KCNQ4: variants seen among roughly 807,000 people sequenced by gnomAD.
KCNQ4 encodes the protein potassium voltage-gated channel subfamily KQT member 4.
KCNQ4 carries 31 observed loss-of-function variants against 72.6 expected under a neutral mutation model. The observed-to-expected ratio is 0.43, with a 90% confidence interval of 0.32 to 0.58. The LOEUF is 0.58. Ranked by LOEUF, KCNQ4 falls within the 20% of genes least tolerant of loss-of-function variation. The probability of loss-of-function intolerance (pLI) is 0.08; values close to 1 mark genes in which losing one functional copy is unlikely to be tolerated. For missense variants in KCNQ4, 869 were observed against 962.6 expected, an observed-to-expected ratio of 0.90 and a Z score of 1.29; for synonymous variants, 405 against 403.7, an observed-to-expected ratio of 1.00 and a Z score of -0.04.
intron 1 of KCNQ4, among the ~76,000 whole-genome samples, chr1:40,808,234 C>G (rs1390663618): frequency 6.6e-6 from 1 of 152,038 alleles, no homozygotes; most frequent in Non-Finnish European, 1.5e-5. Context: ...GGGGGCAAGG[C>G]CTGGATCTGT....
chr1:40,809,000 T>A (rs1163791480), intron 1 of KCNQ4, among the ~76,000 whole-genome samples: 2 of 146,364 alleles, frequency 1.4e-5, no homozygotes, highest in Admixed American at 6.6e-5. Flanking sequence ...CTTCCTCTCC[T>A]TCTGAGAGAA....
intron 1 of KCNQ4, among the ~76,000 whole-genome samples, chr1:40,816,771 G>A (rs1371790173): frequency 6.6e-6 from 1 of 152,142 alleles, no homozygotes; most frequent in African/African-American, 2.4e-5. Context: ...ACGAAGGCAG[G>A]GGCAGTTGTC....
At chr1:40,789,884 C>G (rs1330177798) in intron 1 of KCNQ4, among the ~76,000 whole-genome samples, 2 of 152,228 alleles carry the variant, frequency 1.3e-5, no homozygotes, top group African/African-American at 4.8e-5. Context: ...AGGCCCTGCC[C>G]ACAAAGGAGG....
At chr1:40,785,530 C>T (rs1315867667) in intron 1 of KCNQ4, among the ~76,000 whole-genome samples, 1 of 152,168 alleles carries the variant, frequency 6.6e-6, no homozygotes, top group East Asian at 1.9e-4. Flanking sequence ...GTCCCTCTGC[C>T]AGCCTGAGTT....
intron 1 of KCNQ4, among the ~76,000 whole-genome samples, chr1:40,816,591 C>T (rs1488140813): frequency 6.6e-6 from 1 of 152,148 alleles, no homozygotes; most frequent in African/African-American, 2.4e-5. Flanking sequence ...GTCTCTGGTT[C>T]TGGGCCACTC....
Position 40,822,383 on chromosome 1 carries a change from A to G in KCNQ4, c.1111A>G (p.Ser371Gly). The change falls in exon 8 of 14, where the codon AGT becomes GGT. Residue 371 changes from serine (S) to glycine (G), a missense_variant. Around this residue, in one of 5 missense-constraint regions of KCNQ4, gnomAD observed 480 missense variants for 501.9 expected, o/e 0.96. Coordinates refer to ENST00000347132, the MANE Select transcript of KCNQ4 (RefSeq NM_004700.4). ...YLTATWYYYDSILPSFRELAL... is the reference protein window; with the variant it reads ...YLTATWYYYDGILPSFRELAL... Reference sequence around the variant, plus strand: ...GACAGCCACCTGGTACTACTATGACAGTATCCTCCCATCCTTCAGGTAGGT... The same window carrying G: ...GACAGCCACCTGGTACTACTATGACGGTATCCTCCCATCCTTCAGGTAGGT... The G allele has an allele frequency of 7.8e-7, 1 of 1,277,514 alleles. No homozygotes were observed. Among genetic ancestry groups the G allele is most frequent in the Non-Finnish European group, 1.1e-6 (1 of 950,450 alleles). The allele number at this position is 1,277,514 out of a possible 1,614,324, so 79.1% of individuals were successfully genotyped here. A position where few individuals can be genotyped will look rare whatever the true frequency, so the allele number is the denominator to read the frequency against.
intron 1 of KCNQ4, among the ~76,000 whole-genome samples, chr1:40,816,823 G>A (rs577817329): frequency 6.6e-6 from 1 of 152,358 alleles, no homozygotes; most frequent in African/African-American, 2.4e-5. Flanking sequence ...ACTTTGGAGT[G>A]CATAAGAAAG....
rs1384933726 is a variant in KCNQ4 at position 40,784,468 on chromosome 1, C to G, written c.314+61C>G. 2.0e-6 allele frequency: 3 copies of G among 1,508,580 alleles called. No individual in the cohort carries two copies. The highest frequency in any genetic ancestry group is 2.7e-6 in the Non-Finnish European group (3 of 1,098,332). 93.4% of individuals were successfully genotyped at this position (1,508,580 alleles called of 1,614,324 possible). ...CGCGCAAGCCTGGCCTCCCGGGGCA[C>G]GGCCGCCCCGCCCTGGCTCCGCCTT... On this transcript the variant is annotated intron_variant, in intron 1 of 13. Coordinates refer to ENST00000347132, the MANE Select transcript of KCNQ4 (RefSeq NM_004700.4). This position sits in a 1 kb window ranked among gnomAD's most constrained non-coding sequence, Gnocchi z 4.1.
At chr1:40,793,206 G>A (rs1305350321) in intron 1 of KCNQ4, among the ~76,000 whole-genome samples, 1 of 151,276 alleles carries the variant, frequency 6.6e-6, no homozygotes, top group Admixed American at 6.6e-5. Flanking sequence ...GTCTTGCTAT[G>A]TTGTCCAGGC....
intron 1 of KCNQ4, among the ~76,000 whole-genome samples, chr1:40,800,879 C>T (rs1011280203): frequency 1.3e-5 from 2 of 152,172 alleles, no homozygotes; most frequent in African/African-American, 4.8e-5. Context: ...TATTCAAAGC[C>T]GATCATGGAT....
intron 9 of KCNQ4, among the ~76,000 whole-genome samples, chr1:40,829,179 C>T (rs577204747): frequency 3.9e-5 from 6 of 152,240 alleles, no homozygotes; most frequent in African/African-American, 1.4e-4. Flanking sequence ...GCCTTCTCCA[C>T]TCTCCTCTCT....
intron 1 of KCNQ4, among the ~76,000 whole-genome samples, chr1:40,786,484 C>G (rs567058956): frequency 2.2e-4 from 34 of 152,350 alleles, no homozygotes; most frequent in African/African-American, 7.7e-4. Context: ...CTTGTCCTGA[C>G]CACTTGTCCC....
intron 1 of KCNQ4, among the ~76,000 whole-genome samples, chr1:40,806,931 G>T (rs996999009): frequency 2.0e-5 from 3 of 152,144 alleles, no homozygotes; most frequent in Non-Finnish European, 4.4e-5. Context: ...AATCTGTGGC[G>T]GCCAGGAGAG....
intron 1 of KCNQ4, among the ~76,000 whole-genome samples, chr1:40,786,470 C>T (rs1205279661): frequency 1.3e-5 from 2 of 152,178 alleles, no homozygotes; most frequent in Admixed American, 6.5e-5. Flanking sequence ...TCGCCAGGGC[C>T]GTGCTTGTCC....
chr1:40,827,231 T>C (rs1392982056), intron 9 of KCNQ4, among the ~76,000 whole-genome samples: 1 of 152,172 alleles, frequency 6.6e-6, no homozygotes, highest in African/African-American at 2.4e-5. Context: ...AGGGACACGG[T>C]GATGAATAAA....
intron 5 of KCNQ4, 117 bp from the exon 6 acceptor site, chr1:40,819,758 C>G: frequency 1.1e-6 from 1 of 897,044 alleles, no homozygotes. Context: ...CTAACCAGCC[C>G]CCGTGGGTGA....
At chr1:40,802,495 C>A (rs1647611838) in intron 1 of KCNQ4, among the ~76,000 whole-genome samples, 1 of 152,094 alleles carries the variant, frequency 6.6e-6, no homozygotes, top group African/African-American at 2.4e-5. Flanking sequence ...CCCCGCCCCT[C>A]CCAGGGACGC....
chr1:40,837,547 C>T, intron 12 of KCNQ4, 118 bp from the exon 13 acceptor site: 1 of 1,326,688 alleles, frequency 7.5e-7, no homozygotes, highest in Non-Finnish European at 1.0e-6. Flanking sequence ...GCAATGGCCC[C>T]TTCCCTCAGA....
intron 1 of KCNQ4, among the ~76,000 whole-genome samples, chr1:40,786,689 C>G (rs889941536): frequency 6.6e-6 from 1 of 152,128 alleles, no homozygotes; most frequent in African/African-American, 2.4e-5. Context: ...AGCTTTAGGT[C>G]TGTAGGTTGT....
Sources: allele counts gnomAD v4.1 joint callset (sites outside exome capture counted in the v4.1 genomes callset), GRCh38; gene constraint gnomAD v4.1.1; regional missense constraint gnomAD v4.1.1; non-coding constraint Gnocchi (gnomAD v3.1); transcripts MANE v1.5; gene names NCBI Gene and HGNC (gene_info 2026-07-23, HGNC 2026-07-21).